Variants in CSMD1 observed in about 807,000 individuals in gnomAD.
CSMD1 encodes the protein CUB and sushi domain-containing protein 1.
CSMD1 carries 213 observed loss-of-function variants against 417.5 expected under a neutral mutation model. The ratio of observed to expected loss-of-function variants is 0.51; its 90% confidence interval spans 0.46 to 0.57. The LOEUF is 0.57. Ranked by LOEUF, CSMD1 falls within the 20% of genes least tolerant of loss-of-function variation. The probability of loss-of-function intolerance (pLI) is 0.00; values close to 1 mark genes in which losing one functional copy is unlikely to be tolerated. For synonymous variants in CSMD1, 2,862 were observed against 1,736.8 expected (o/e 1.65, Z -16.11); for missense variants, 6,923 against 4,529.7 (o/e 1.53, Z -15.17).
intron 52 of CSMD1, among the ~76,000 whole-genome samples, chr8:3,007,670 A>C (rs1487534256): frequency 6.6e-6 from 1 of 150,920 alleles, no homozygotes; most frequent in Admixed American, 6.6e-5. Context: ...CTATCGCAAG[A>C]ACAAAAAACC....
intron 3 of CSMD1, among the ~76,000 whole-genome samples, chr8:4,409,524 G>C (rs576524460): frequency 1.3e-5 from 2 of 152,152 alleles, no homozygotes; most frequent in East Asian, 3.9e-4. Flanking sequence ...ACCAAAATAT[G>C]TAACTAGGCA....
At chr8:3,893,339 T>A (rs1322219839) in intron 5 of CSMD1, among the ~76,000 whole-genome samples, 3 of 80,454 alleles carry the variant, frequency 3.7e-5, no homozygotes, top group Admixed American at 1.6e-4. Context: ...ATTCACAATT[T>A]TATATATATA....
At chr8:3,396,578 T>A (rs1811714861) in intron 16 of CSMD1, among the ~76,000 whole-genome samples, 197 bp from the exon 17 acceptor site, 1 of 152,134 alleles carries the variant, frequency 6.6e-6, no homozygotes, top group Non-Finnish European at 1.5e-5. Flanking sequence ...ACAGCTTAAA[T>A]CCCTTTCTCT....
At chr8:4,774,601 C>A (rs1049507439) in intron 1 of CSMD1, among the ~76,000 whole-genome samples, 2 of 152,142 alleles carry the variant, frequency 1.3e-5, no homozygotes, top group African/African-American at 4.8e-5. Context: ...GGGAGTTAAT[C>A]AACTGATGTG....
chr8:4,266,236 C>G lies in CSMD1; in HGVS notation c.415+153717G>C, dbSNP rs1804217864. Among the ~76,000 whole-genome samples the G allele has an allele frequency of 1.9e-5, 2 of 104,494 alleles. 1 individual carries two copies. Among genetic ancestry groups the G allele is most frequent in the South Asian group, 7.4e-4 (2 of 2,698 alleles). The allele number at this position is 104,494 out of a possible 152,430, so 68.6% of individuals were successfully genotyped here. A position where few individuals can be genotyped will look rare whatever the true frequency, so the allele number is the denominator to read the frequency against. On this transcript the variant is annotated intron_variant, in intron 3 of 69. Transcript: ENST00000635120. ...TTCTAAGTGGAATGGTAACACATTTCCATACAACTCATTTAAAAATTTAAT... is the reference window on the plus strand; with the variant it reads ...TTCTAAGTGGAATGGTAACACATTTGCATACAACTCATTTAAAAATTTAAT...
At chr8:3,521,077 T>A (rs895758716) in intron 10 of CSMD1, among the ~76,000 whole-genome samples, 1 of 152,144 alleles carries the variant, frequency 6.6e-6, no homozygotes, top group Non-Finnish European at 1.5e-5. Context: ...AACCTCTAAT[T>A]TTACTGTCAT....
chr8:3,967,118 C>T (rs891808581), intron 5 of CSMD1, among the ~76,000 whole-genome samples: 8 of 151,902 alleles, frequency 5.3e-5, no homozygotes, highest in South Asian at 2.1e-4. Context: ...CATAGAGAAA[C>T]GGACTAATTT....
intron 26 of CSMD1, among the ~76,000 whole-genome samples, chr8:3,279,977 G>T (rs960019621): frequency 2.6e-4 from 39 of 152,170 alleles, no homozygotes; most frequent in African/African-American, 9.2e-4. Context: ...TATCAGGAAG[G>T]TTACTTGGAA....
chr8:4,762,048 A>G (rs1400317138), intron 1 of CSMD1, among the ~76,000 whole-genome samples: 2 of 152,094 alleles, frequency 1.3e-5, no homozygotes, highest in African/African-American at 4.8e-5. Context: ...GATACTGATT[A>G]AGACCAAATA....
intron 1 of CSMD1, among the ~76,000 whole-genome samples, chr8:4,806,903 G>T (rs750183784): frequency 6.6e-6 from 1 of 152,162 alleles, no homozygotes; most frequent in Non-Finnish European, 1.5e-5. Flanking sequence ...GGAGTTGAAT[G>T]AGCAAGTACA....
intron 33 of CSMD1, among the ~76,000 whole-genome samples, 187 bp downstream of exon 33, chr8:3,199,527 T>A (rs1014374068): frequency 6.6e-6 from 1 of 152,144 alleles, no homozygotes. Context: ...AAATATGAGT[T>A]TCAACTGTCA....
At chr8:3,090,628 C>G (rs1053483993) in intron 48 of CSMD1, among the ~76,000 whole-genome samples, 1 of 152,102 alleles carries the variant, frequency 6.6e-6, no homozygotes, top group Non-Finnish European at 1.5e-5. Context: ...TCCCTAAAGA[C>G]GTAAAACACC....
At chr8:3,211,920 G>A (rs1255952860) in intron 30 of CSMD1, among the ~76,000 whole-genome samples, 1 of 152,182 alleles carries the variant, frequency 6.6e-6, no homozygotes. Flanking sequence ...CAAGACAAGA[G>A]GGGGTGGAGG....
At chr8:4,257,111 T>C (rs73660712) in intron 3 of CSMD1, among the ~76,000 whole-genome samples, 1 of 152,304 alleles carries the variant, frequency 6.6e-6, no homozygotes, top group African/African-American at 2.4e-5. Context: ...CGCCATACTC[T>C]ATATGAGTCA....
intron 33 of CSMD1, among the ~76,000 whole-genome samples, chr8:3,191,623 A>G (rs935164949): frequency 6.6e-6 from 1 of 152,136 alleles, no homozygotes; most frequent in Admixed American, 6.5e-5. Context: ...ACTGACAGGT[A>G]AGTATCAGTG....
intron 3 of CSMD1, among the ~76,000 whole-genome samples, chr8:4,378,496 C>G (rs926016187): frequency 3.3e-5 from 5 of 152,214 alleles, no homozygotes; most frequent in South Asian, 2.1e-4. Context: ...CTTTATCTCT[C>G]TCTCTCTCTT....
intron 1 of CSMD1, among the ~76,000 whole-genome samples, chr8:4,707,977 A>T (rs1172862579): frequency 6.7e-6 from 1 of 150,094 alleles, no homozygotes; most frequent in Admixed American, 6.7e-5. Context: ...GACACATCTC[A>T]CTCTGTCACC....
intron 23 of CSMD1, among the ~76,000 whole-genome samples, chr8:3,323,934 CCCAGAGACCCAGGAGGGGGAG>C (rs1806324152): frequency 7.7e-6 from 1 of 129,616 alleles, no homozygotes; most frequent in African/African-American, 3.0e-5. Context: ...CACATCTAAC[CCCAGAGACCCAGGAGGGGGAG>C]TTTCCTTCAC....
At chr8:4,809,453 A>G (rs1393965207) in intron 1 of CSMD1, among the ~76,000 whole-genome samples, 1 of 152,178 alleles carries the variant, frequency 6.6e-6, no homozygotes, top group East Asian at 1.9e-4. Flanking sequence ...AGAATACTGT[A>G]TGTATAAACT....
Sources: gnomAD v4.1 joint callset for allele counts (sites outside exome capture counted in the v4.1 genomes callset) on GRCh38, gnomAD v4.1.1 for gene constraint, MANE v1.5 for transcripts, NCBI Gene and HGNC (gene_info 2026-07-23, HGNC 2026-07-21) for gene names.